The following SEMA5A variants were observed in gnomAD, a reference collection of about 807,000 sequenced individuals.
SEMA5A encodes semaphorin-5A.
SEMA5A carries 55 observed loss-of-function variants against 135.5 expected under a neutral mutation model. The ratio of observed to expected loss-of-function variants is 0.41; its 90% confidence interval spans 0.33 to 0.51. SEMA5A has a LOEUF of 0.51. Ranked by LOEUF, SEMA5A falls within the 20% of genes least tolerant of loss-of-function variation. SEMA5A has a pLI of 0.37. For synonymous variants in SEMA5A, 580 were observed against 546.5 expected, an observed-to-expected ratio of 1.06 and a Z score of -0.85; for missense variants, 1,290 against 1,419.9, an observed-to-expected ratio of 0.91 and a Z score of 1.47.
intron 1 of SEMA5A, among the ~76,000 whole-genome samples, chr5:9,482,725 A>G (rs965761920): frequency 1.3e-5 from 2 of 152,214 alleles, no homozygotes; most frequent in African/African-American, 4.8e-5. Context: ...GGCTCTCACA[A>G]GGTAGGAGGA....
chr5:9,121,496 T>C (rs1216628343), intron 14 of SEMA5A, among the ~76,000 whole-genome samples: 1 of 152,246 alleles, frequency 6.6e-6, no homozygotes, highest in African/African-American at 2.4e-5. Flanking sequence ...AAATAAGTTA[T>C]AGCAATTCAT....
intron 1 of SEMA5A, among the ~76,000 whole-genome samples, chr5:9,509,383 G>T (rs959514077): frequency 6.6e-6 from 1 of 151,914 alleles, no homozygotes; most frequent in Admixed American, 6.6e-5. Context: ...CAAGTGATTC[G>T]CCTGTCTCAG....
chr5:9,336,269 C>T (rs899431914), intron 4 of SEMA5A, among the ~76,000 whole-genome samples: 1 of 152,084 alleles, frequency 6.6e-6, no homozygotes, highest in African/African-American at 2.4e-5. Context: ...AGAATGAAAA[C>T]AGGCAAGTCT....
chr5:9,312,344 C>CAAAA (rs11311020), intron 5 of SEMA5A, among the ~76,000 whole-genome samples: 1 of 88,548 alleles, frequency 1.1e-5, no homozygotes, highest in Non-Finnish European at 2.5e-5. Flanking sequence ...CAGTGAGTTG[C>CAAAA]AAAAAAAAAA....
In SEMA5A at chr5:9,039,608, C is replaced by T. The variant is rs770534714; in HGVS notation, c.*3289G>A. The T allele has an allele frequency of 1.3e-4, 20 of 152,328 alleles. No individual in the cohort carries two copies. The highest frequency in any genetic ancestry group is 2.4e-4 in the Non-Finnish European group (16 of 68,054). The allele number at this position is 152,328 out of a possible 1,614,324, so 9.4% of individuals were successfully genotyped here. A position where few individuals can be genotyped will look rare whatever the true frequency, so the allele number is the denominator to read the frequency against. The stretch of plus-strand genomic sequence containing the variant: ...AACCATCCCTACAAACATGAAGAAG[C>T]TGAGATGCCTCATGTAAGTCACAAG... On this transcript the variant is annotated 3_prime_UTR_variant, in exon 23 of 23. Coordinates refer to ENST00000382496, the MANE Select transcript of SEMA5A (RefSeq NM_003966.3).
At chr5:9,275,417 G>T (rs1462195861) in intron 5 of SEMA5A, among the ~76,000 whole-genome samples, 2 of 152,090 alleles carry the variant, frequency 1.3e-5, no homozygotes, top group African/African-American at 4.8e-5. Context: ...AGAGAAGCTG[G>T]TACCATTCCT....
intron 5 of SEMA5A, among the ~76,000 whole-genome samples, chr5:9,258,803 C>CTTTTTTTTTTTTTTTTTTTTTTTTTTTT (rs748703578): frequency 2.0e-5 from 1 of 48,990 alleles, no homozygotes; most frequent in Non-Finnish European, 3.5e-5. Flanking sequence ...TTCTTTCTTT[C>CTTTTTTTTTTTTTTTTTTTTTTTTTTTT]TTTTTTTTTT....
chr5:9,405,618 G>A (rs565886667), intron 2 of SEMA5A, among the ~76,000 whole-genome samples: 174 of 150,306 alleles, frequency 1.2e-3, no homozygotes, highest in Non-Finnish European at 2.2e-4. Context: ...GGTAAATAAG[G>A]ATACTCACAG....
intron 3 of SEMA5A, among the ~76,000 whole-genome samples, chr5:9,378,303 G>A (rs1579440712): frequency 6.6e-6 from 1 of 152,182 alleles, no homozygotes; most frequent in East Asian, 1.9e-4. Flanking sequence ...GTTGATGAAG[G>A]AAAGATAGTT....
chr5:9,241,035 T>A (rs938936430), intron 5 of SEMA5A, among the ~76,000 whole-genome samples: 5 of 152,242 alleles, frequency 3.3e-5, no homozygotes, highest in African/African-American at 9.6e-5. Context: ...ATATTTCTAC[T>A]CTAGGCTATT....
At chr5:9,401,195 C>G (rs1756645160) in intron 2 of SEMA5A, among the ~76,000 whole-genome samples, 1 of 152,166 alleles carries the variant, frequency 6.6e-6, no homozygotes, top group Admixed American at 6.5e-5. Flanking sequence ...GAAGAGCAAG[C>G]TGGAAGACCC....
intron 13 of SEMA5A, among the ~76,000 whole-genome samples, 190 bp downstream of exon 13, chr5:9,136,314 C>T (rs1579458739): frequency 1.3e-5 from 2 of 152,272 alleles, no homozygotes; most frequent in East Asian, 1.9e-4. Flanking sequence ...GACAAAAAAA[C>T]CTATAACAGC....
intron 11 of SEMA5A, among the ~76,000 whole-genome samples, chr5:9,170,745 A>G (rs40720): frequency 0.38 from 57,781 of 152,032 alleles, 12,227 homozygotes; most frequent in Non-Finnish European, 0.49. Context: ...TTCATCCCCC[A>G]GCACTATGAG....
intron 9 of SEMA5A, among the ~76,000 whole-genome samples, chr5:9,197,780 G>GTGTGTGTGTGTGTGTGTGTA (rs1402121195): frequency 0.03 from 3,069 of 103,834 alleles, 204 homozygotes; most frequent in Non-Finnish European, 0.038. Context: ...GTGTGTGTGT[G>GTGTGTGTGTGTGTGTGTGTA]TGTGTTTTAA....
At chr5:9,208,433 C>T (rs1193754491) in intron 8 of SEMA5A, among the ~76,000 whole-genome samples, 2 of 152,124 alleles carry the variant, frequency 1.3e-5, no homozygotes, top group African/African-American at 2.4e-5. Flanking sequence ...AGACACAGCC[C>T]GTGCCCTCAA....
chr5:9,436,276 AG>A (rs1363718395), intron 2 of SEMA5A, among the ~76,000 whole-genome samples: 1 of 152,208 alleles, frequency 6.6e-6, no homozygotes, highest in Admixed American at 6.5e-5. Context: ...AAGCCAACAC[AG>A]GCTCCATGTG....
At chr5:9,167,239 C>T (rs112625284) in intron 11 of SEMA5A, among the ~76,000 whole-genome samples, 2,901 of 152,242 alleles carry the variant, frequency 0.019, 90 homozygotes, top group African/African-American at 0.065. Flanking sequence ...TAGGCACTGT[C>T]TTATCCATTT....
At chr5:9,273,723 C>T (rs955219072) in intron 5 of SEMA5A, among the ~76,000 whole-genome samples, 1 of 152,100 alleles carries the variant, frequency 6.6e-6, no homozygotes, top group Non-Finnish European at 1.5e-5. Context: ...CCCAGAATTT[C>T]ATATCCAGCC....
chr5:9,323,653 T>C (rs566781191), intron 4 of SEMA5A, among the ~76,000 whole-genome samples: 1 of 149,788 alleles, frequency 6.7e-6, no homozygotes, highest in South Asian at 2.1e-4. Flanking sequence ...TGTTTCTTTT[T>C]TTCCTTTTTT....
Sources: gnomAD v4.1 joint callset for allele counts (sites outside exome capture counted in the v4.1 genomes callset) on GRCh38, gnomAD v4.1.1 for gene constraint, MANE v1.5 for transcripts, NCBI Gene and HGNC (gene_info 2026-07-23, HGNC 2026-07-21) for gene names.